The following SORCS1 variants were observed in gnomAD, a reference collection of about 807,000 sequenced individuals.
The protein encoded by SORCS1 is VPS10 domain-containing receptor SorCS1.
In SORCS1, 60 loss-of-function variants were observed where a neutral mutation model predicts 146.1. The observed-to-expected ratio is 0.41, with a 90% CI of 0.33 to 0.51. The LOEUF (loss-of-function observed/expected upper bound fraction) is 0.51. SORCS1 is among the 20% of genes least tolerant of loss of function. The pLI is 0.21. For missense variants in SORCS1, 1,352 were observed against 1,487.6 expected, an observed-to-expected ratio of 0.91 and a Z score of 1.50; for synonymous variants, 637 against 584.0, an observed-to-expected ratio of 1.09 and a Z score of -1.31.
intron 1 of SORCS1, among the ~76,000 whole-genome samples, chr10:107,049,356 A>C (rs1221832186): frequency 6.6e-6 from 1 of 151,454 alleles, no homozygotes; most frequent in African/African-American, 2.4e-5. Flanking sequence ...CCAGCATGGC[A>C]CATGTATACA....
At chr10:106,666,549 TC>T (rs1295226249) in intron 17 of SORCS1, among the ~76,000 whole-genome samples, 4 of 145,920 alleles carry the variant, frequency 2.7e-5, no homozygotes, top group East Asian at 2.0e-4. Flanking sequence ...ACAATAAATC[TC>T]TCTCTTTTTT....
At chr10:106,667,874 A>C (rs1463535917) in intron 16 of SORCS1, 72 bp from the exon 17 acceptor site, 3 of 1,020,588 alleles carry the variant, frequency 2.9e-6, no homozygotes, top group East Asian at 2.5e-5. Flanking sequence ...ACATCAGTCC[A>C]CAGCCAAGTT....
chr10:107,111,737 A>G (rs1965716075), intron 1 of SORCS1, among the ~76,000 whole-genome samples: 1 of 152,164 alleles, frequency 6.6e-6, no homozygotes, highest in African/African-American at 2.4e-5. Flanking sequence ...AAAGGATCCC[A>G]ACTAAGATCA....
At chr10:106,797,785 C>T (rs1946645529) in intron 3 of SORCS1, among the ~76,000 whole-genome samples, 1 of 152,148 alleles carries the variant, frequency 6.6e-6, no homozygotes, top group East Asian at 1.9e-4. Context: ...CAGACTGCAT[C>T]TCTGATTGTG....
chr10:106,827,092 C>A (rs1402715284), intron 3 of SORCS1, among the ~76,000 whole-genome samples: 3 of 152,054 alleles, frequency 2.0e-5, no homozygotes, highest in Admixed American at 6.6e-5. Context: ...TATATCTGGA[C>A]TTGAGCATCT....
At chr10:106,694,603 T>G (rs1853555647) in intron 9 of SORCS1, among the ~76,000 whole-genome samples, 1 of 152,202 alleles carries the variant, frequency 6.6e-6, no homozygotes, top group Non-Finnish European at 1.5e-5. Flanking sequence ...GCATTTTTCT[T>G]CCCTACCTCC....
At chr10:106,843,813 A>G (rs1949177793) in intron 2 of SORCS1, among the ~76,000 whole-genome samples, 1 of 152,166 alleles carries the variant, frequency 6.6e-6, no homozygotes, top group South Asian at 2.1e-4. Flanking sequence ...TTTCTCAGAC[A>G]CTTAGGTTGT....
chr10:106,982,379 C>T (rs1479669965), intron 1 of SORCS1, among the ~76,000 whole-genome samples: 3 of 152,092 alleles, frequency 2.0e-5, no homozygotes, highest in Non-Finnish European at 4.4e-5. Flanking sequence ...AAGGATCATA[C>T]TTTTTCAACA....
intron 1 of SORCS1, among the ~76,000 whole-genome samples, chr10:107,102,267 G>A (rs1019813785): frequency 6.6e-6 from 1 of 152,170 alleles, no homozygotes; most frequent in African/African-American, 2.4e-5. Context: ...GTTCTGATAT[G>A]AGAGGATTTA....
At chr10:106,589,514 C>A (rs909577065) in intron 24 of SORCS1, among the ~76,000 whole-genome samples, 3 of 152,044 alleles carry the variant, frequency 2.0e-5, no homozygotes, top group Non-Finnish European at 4.4e-5. Context: ...CAGCAGATTC[C>A]CCTCACCTGA....
intron 2 of SORCS1, among the ~76,000 whole-genome samples, chr10:106,926,576 C>T (rs1238958815): frequency 6.6e-6 from 1 of 152,042 alleles, no homozygotes; most frequent in African/African-American, 2.4e-5. Flanking sequence ...ATAAAACTGC[C>T]ATTTTTATAG....
intron 1 of SORCS1, among the ~76,000 whole-genome samples, chr10:107,076,564 TACTC>T (rs1373749318): frequency 1.3e-5 from 2 of 152,200 alleles, no homozygotes; most frequent in African/African-American, 4.8e-5. Flanking sequence ...TCCTAGTAAT[TACTC>T]ATATATGAAA....
intron 1 of SORCS1, among the ~76,000 whole-genome samples, chr10:107,006,109 T>C (rs1189613340): frequency 2.6e-5 from 4 of 152,214 alleles, no homozygotes; most frequent in Non-Finnish European, 4.4e-5. Context: ...TTTTGAGTTA[T>C]TTGAAGACTG....
chr10:106,632,300 G>T (rs1330606036), intron 18 of SORCS1, among the ~76,000 whole-genome samples: 1 of 152,156 alleles, frequency 6.6e-6, no homozygotes, highest in Admixed American at 6.5e-5. Context: ...TCCTGCTGTC[G>T]CTTTCCACTA....
intron 1 of SORCS1, among the ~76,000 whole-genome samples, chr10:107,032,683 G>A (rs1052685436): frequency 5.9e-5 from 9 of 152,132 alleles, no homozygotes; most frequent in African/African-American, 2.2e-4. Context: ...TTGTGAGTTG[G>A]GCGATTCTCC....
chr10:106,934,418 G>T (rs61867177), intron 2 of SORCS1, among the ~76,000 whole-genome samples: 61,745 of 151,076 alleles, frequency 0.41, 15,472 homozygotes, highest in Non-Finnish European at 0.55. Flanking sequence ...CACCACACCC[G>T]GCTAATTTTT....
intron 1 of SORCS1, among the ~76,000 whole-genome samples, chr10:106,973,323 C>T (rs1394837505): frequency 1.3e-5 from 2 of 152,156 alleles, no homozygotes; most frequent in Non-Finnish European, 2.9e-5. Context: ...GTAAGTATGT[C>T]CCTGCTGCTT....
intron 19 of SORCS1, among the ~76,000 whole-genome samples, chr10:106,625,063 C>T (rs941481399): frequency 2.0e-5 from 3 of 152,188 alleles, no homozygotes; most frequent in African/African-American, 7.2e-5. Flanking sequence ...TGCATCATTC[C>T]ATATGAATCT....
intron 1 of SORCS1, among the ~76,000 whole-genome samples, chr10:107,041,238 T>C (rs1959140715): frequency 6.6e-6 from 1 of 152,090 alleles, no homozygotes; most frequent in South Asian, 2.1e-4. Context: ...ACATAGTGAT[T>C]TACCCAGGAG....
Sources: allele counts gnomAD v4.1 joint callset (sites outside exome capture counted in the v4.1 genomes callset), GRCh38; gene constraint gnomAD v4.1.1; transcripts MANE v1.5; gene names NCBI Gene and HGNC (gene_info 2026-07-23, HGNC 2026-07-21).